PHACTR4: variants seen among roughly 807,000 people sequenced by gnomAD.
PHACTR4 encodes phosphatase and actin regulator 4.
Under a neutral mutation model 72.7 loss-of-function variants are expected in PHACTR4, and 51 were observed. The observed-to-expected ratio is 0.70, with a 90% CI of 0.56 to 0.89. The LOEUF (loss-of-function observed/expected upper bound fraction) is 0.89. PHACTR4 is among the 40% of genes least tolerant of loss of function. The probability of loss-of-function intolerance (pLI) is 0.00; values close to 1 mark genes in which losing one functional copy is unlikely to be tolerated. For synonymous variants in PHACTR4, 255 were observed against 302.5 expected (o/e 0.84, Z 1.63); for missense variants, 731 against 861.8 (o/e 0.85, Z 1.90).
chr1:28,487,330 T>C (rs1660718003), intron 9 of PHACTR4, among the ~76,000 whole-genome samples: 1 of 151,310 alleles, frequency 6.6e-6, no homozygotes, highest in Non-Finnish European at 1.5e-5. Flanking sequence ...CAAGCCACTG[T>C]ATTCCAGCCT....
At chr1:28,422,219 GT>G (rs1655554312) in intron 2 of PHACTR4, among the ~76,000 whole-genome samples, 2 of 152,168 alleles carry the variant, frequency 1.3e-5, no homozygotes, top group African/African-American at 2.4e-5. Context: ...TCAGCCCTCT[GT>G]TTCTGAGGGT....
intron 2 of PHACTR4, chr1:28,457,884 AC>A: frequency 2.0e-6 from 2 of 980,676 alleles, no homozygotes; most frequent in Non-Finnish European, 2.4e-6. Flanking sequence ...TGCATTGTGT[AC>A]CTTCCTGCTT....
chr1:28,378,875 TAA>T (rs1311423260), intron 1 of PHACTR4, among the ~76,000 whole-genome samples: 1 of 152,086 alleles, frequency 6.6e-6, no homozygotes, highest in Admixed American at 6.6e-5. Context: ...GAAGGTGAAA[TAA>T]GAGTAGTTGT....
intron 2 of PHACTR4, among the ~76,000 whole-genome samples, chr1:28,455,862 G>A (rs755852791): frequency 1.3e-5 from 2 of 152,164 alleles, no homozygotes; most frequent in Admixed American, 1.3e-4. Context: ...TCAGGGCCAG[G>A]TGTGGCTCTA....
Position 28,465,858 on chromosome 1 carries a change from C to T in PHACTR4, c.436+9C>T, listed in dbSNP as rs1413802355. ...CCTAAAGAAACGACTAGGTAAGAAA[C>T]TCTGGATTTTTGAGTTTAAGAGCCA... On this transcript the variant is annotated intron_variant, in intron 5 of 13. Coordinates refer to ENST00000373839, the MANE Select transcript of PHACTR4 (RefSeq NM_001048183.3). The T allele has an allele frequency of 1.3e-6, 2 of 1,597,626 alleles. No individual in the cohort carries two copies. The highest frequency in any genetic ancestry group is 1.7e-6 in the Non-Finnish European group (2 of 1,175,602).
At chr1:28,431,922 A>G (rs903598351) in intron 2 of PHACTR4, among the ~76,000 whole-genome samples, 3 of 152,126 alleles carry the variant, frequency 2.0e-5, no homozygotes, top group Admixed American at 6.6e-5. Flanking sequence ...TAGGAAAATA[A>G]TATCTTGGCC....
intron 2 of PHACTR4, among the ~76,000 whole-genome samples, chr1:28,419,383 A>G (rs1048900574): frequency 2.0e-5 from 3 of 150,646 alleles, no homozygotes; most frequent in African/African-American, 7.5e-5. Flanking sequence ...TAGATATATT[A>G]TCACTTTACA....
chr1:28,374,776 G>A (rs1245279783), intron 1 of PHACTR4, among the ~76,000 whole-genome samples: 3 of 152,044 alleles, frequency 2.0e-5, no homozygotes, highest in African/African-American at 7.2e-5. Context: ...GGGTTGGCTG[G>A]GAAGAGGAAG....
rs540967507 is a variant in PHACTR4 at position 28,440,678 on chromosome 1, CT to C, written c.17-18406del. On this transcript the variant is annotated intron_variant, in intron 2 of 13. Transcript: ENST00000373839. ...TATTACCTAGATAATAAGTAGTTGACTATCAGCAGTTTTCATGGACTGACTC... is the reference window on the plus strand; with the variant it reads ...TATTACCTAGATAATAAGTAGTTGACATCAGCAGTTTTCATGGACTGACTC... Among the ~76,000 whole-genome samples, 360 of 152,142 alleles carry C rather than the reference CT, an allele frequency of 2.4e-3. 1 individual carries two copies. Among genetic ancestry groups the C allele is most frequent in the African/African-American group, 8.3e-3 (345 of 41,518 alleles).
intron 1 of PHACTR4, among the ~76,000 whole-genome samples, chr1:28,389,482 T>C (rs1208695490): frequency 1.3e-5 from 2 of 150,086 alleles, no homozygotes; most frequent in African/African-American, 4.9e-5. Flanking sequence ...TACTACTTTT[T>C]TTTTTTTTTT....
At chr1:28,390,321 A>G (rs1364957252) in intron 1 of PHACTR4, among the ~76,000 whole-genome samples, 3 of 152,164 alleles carry the variant, frequency 2.0e-5, no homozygotes, top group Admixed American at 1.3e-4. Flanking sequence ...ATGGCTGGCC[A>G]CATGCTTTTA....
rs1269524995 is a variant in PHACTR4 at position 28,466,380 on chromosome 1, A to G, written c.437-2A>G. ...TTTTATACCATACATGTTATTACAC[A>G]GGCTCAACTGGAAGCCAGCCTAATT... is the stretch of plus-strand genomic sequence containing the variant. On this transcript the variant is annotated splice_acceptor_variant, in intron 5 of 13. Transcript: ENST00000373839. LOFTEE classifies it high-confidence loss of function. 1.9e-6 allele frequency: 3 copies of G among 1,606,550 alleles called. No individual in the cohort carries two copies. Among genetic ancestry groups the G allele is most frequent in the Admixed American group, 1.7e-5 (1 of 59,778 alleles).
chr1:28,410,498 A>G (rs1402229987), intron 2 of PHACTR4, among the ~76,000 whole-genome samples: 2 of 152,084 alleles, frequency 1.3e-5, no homozygotes, highest in South Asian at 2.1e-4. Flanking sequence ...AATCTTATCA[A>G]TCAAATTTAT....
chr1:28,399,465 C>G (rs530118629), intron 1 of PHACTR4, among the ~76,000 whole-genome samples: 2 of 152,006 alleles, frequency 1.3e-5, no homozygotes, highest in Non-Finnish European at 2.9e-5. Flanking sequence ...GAAACTTGTT[C>G]CTTTGAAGTT....
chr1:28,495,833 T>C (rs1284110995), intron 13 of PHACTR4, among the ~76,000 whole-genome samples: 2 of 151,766 alleles, frequency 1.3e-5, no homozygotes, highest in African/African-American at 2.4e-5. Flanking sequence ...CCCAGGCTGC[T>C]CTCAAACTCC....
chr1:28,467,464 G>A (rs1659265970), intron 6 of PHACTR4, among the ~76,000 whole-genome samples: 1 of 151,330 alleles, frequency 6.6e-6, no homozygotes, highest in Admixed American at 6.6e-5. Context: ...CACCTGCATG[G>A]AATTATCTGT....
intron 2 of PHACTR4, chr1:28,453,830 A>C (rs1455074116): frequency 1.1e-6 from 1 of 881,216 alleles, no homozygotes; most frequent in Admixed American, 1.8e-5. Flanking sequence ...AGAGCACAAA[A>C]GGCTTTTGAA....
rs181892829 is a variant in PHACTR4 at position 28,479,010 on chromosome 1, A to G, written c.1607-1441A>G. Among the ~76,000 whole-genome samples the G allele has an allele frequency of 3.2e-3, 485 of 152,280 alleles. 2 individuals carry two copies. The highest frequency in any genetic ancestry group is 0.011 in the African/African-American group (461 of 41,566). ...TTTGTTTGCCCCCAATTTTAAAACT[A>G]TTCACCTAAGTGCCTCTAATCCCAG... On this transcript the variant is annotated intron_variant, in intron 8 of 13. Transcript: ENST00000373839.
chr1:28,456,211 C>A (rs561111538), intron 2 of PHACTR4, among the ~76,000 whole-genome samples: 2 of 152,190 alleles, frequency 1.3e-5, no homozygotes, highest in East Asian at 1.9e-4. Context: ...AGGAAACTTA[C>A]AATCATGAAT....
Sources: gnomAD v4.1 joint callset for allele counts (sites outside exome capture counted in the v4.1 genomes callset) on GRCh38, gnomAD v4.1.1 for gene constraint, MANE v1.5 for transcripts, NCBI Gene and HGNC (gene_info 2026-07-23, HGNC 2026-07-21) for gene names.